Variants in KIF16B observed in about 807,000 individuals in gnomAD.
KIF16B encodes kinesin family member 16B.
Under a neutral mutation model 156.3 loss-of-function variants are expected in KIF16B, and 98 were observed. The ratio of observed to expected loss-of-function variants is 0.63; its 90% CI spans 0.53 to 0.74. KIF16B has a LOEUF of 0.74. Ranked by LOEUF, KIF16B falls within the 30% of genes least tolerant of loss-of-function variation. KIF16B has a pLI of 0.00. For synonymous variants in KIF16B, 564 were observed against 583.7 expected (o/e 0.97, Z 0.49); for missense variants, 1,421 against 1,606.5 (o/e 0.88, Z 1.97).
chr20:16,409,979 A>ACG (rs1246903252), intron 15 of KIF16B, among the ~76,000 whole-genome samples: 1 of 71,120 alleles, frequency 1.4e-5, no homozygotes, highest in African/African-American at 5.8e-5. Flanking sequence ...ACATATATAT[A>ACG]TATATATATA....
intron 12 of KIF16B, among the ~76,000 whole-genome samples, chr20:16,475,316 A>T (rs1212053576): frequency 6.7e-6 from 1 of 149,022 alleles, no homozygotes; most frequent in South Asian, 2.2e-4. Flanking sequence ...TCCCCATTTT[A>T]CCCATCAGGA....
chr20:16,424,926 T>C (rs1469124154), intron 15 of KIF16B, among the ~76,000 whole-genome samples: 1 of 152,166 alleles, frequency 6.6e-6, no homozygotes, highest in Admixed American at 6.6e-5. Flanking sequence ...AGTATTAGTG[T>C]ATTGGTATAA....
intron 24 of KIF16B, among the ~76,000 whole-genome samples, chr20:16,315,462 G>A (rs1401142434): frequency 3.9e-5 from 6 of 152,168 alleles, no homozygotes; most frequent in Non-Finnish European, 7.3e-5. Context: ...TGTAAGGAGC[G>A]TCTGCAGTGC....
intron 15 of KIF16B, among the ~76,000 whole-genome samples, chr20:16,408,828 G>C (rs189395160): frequency 2.6e-5 from 4 of 152,188 alleles, no homozygotes; most frequent in African/African-American, 7.2e-5. Context: ...ATTAAGGCTG[G>C]TTTCCTTCCC....
At chr20:16,368,033 G>A in intron 22 of KIF16B, 1 of 1,404,238 alleles carries the variant, frequency 7.1e-7, no homozygotes. Flanking sequence ...AAACACGCTG[G>A]TTGAGGGTCA....
chr20:16,405,972 C>T (rs2065773073), intron 16 of KIF16B, among the ~76,000 whole-genome samples: 3 of 152,092 alleles, frequency 2.0e-5, no homozygotes, highest in South Asian at 2.1e-4. Context: ...CCCCTGCTCT[C>T]GCTTCCCACC....
At chr20:16,371,624 A>C (rs773074367) in intron 21 of KIF16B, 41 bp downstream of exon 21, 7 of 1,245,822 alleles carry the variant, frequency 5.6e-6, no homozygotes, top group Non-Finnish European at 8.0e-6. Flanking sequence ...AGAAAGATGA[A>C]CGAACTTGTT....
At chr20:16,468,575 CAAAAAAA>C (rs550510241) in intron 12 of KIF16B, among the ~76,000 whole-genome samples, 205 of 35,842 alleles carry the variant, frequency 5.7e-3, no homozygotes, top group Middle Eastern at 0.05. Context: ...GACTCCGTCT[CAAAAAAA>C]AAAAAAAAAA....
intron 12 of KIF16B, among the ~76,000 whole-genome samples, chr20:16,450,556 C>A (rs996070672): frequency 1.3e-5 from 2 of 152,178 alleles, no homozygotes; most frequent in African/African-American, 4.8e-5. Flanking sequence ...ACAGGCTGTT[C>A]CTCCGCTCCA....
intron 1 of KIF16B, 74 bp downstream of exon 1, chr20:16,573,155 T>G: frequency 1.4e-6 from 2 of 1,403,770 alleles, no homozygotes; most frequent in Non-Finnish European, 2.0e-6. Flanking sequence ...CAGGCTGGCT[T>G]TGGGGGAGCT....
intron 12 of KIF16B, among the ~76,000 whole-genome samples, chr20:16,477,428 G>A (rs887842118): frequency 5.3e-5 from 8 of 152,104 alleles, no homozygotes; most frequent in African/African-American, 1.7e-4. Context: ...ATTGAAATCG[G>A]CATAGAGTAA....
At chr20:16,287,784 C>A (rs1332528689) in intron 25 of KIF16B, among the ~76,000 whole-genome samples, 1 of 152,180 alleles carries the variant, frequency 6.6e-6, no homozygotes, top group Non-Finnish European at 1.5e-5. Flanking sequence ...ATCAGAAAAA[C>A]CAAAACCTGC....
chr20:16,299,958 C>T (rs965038339), intron 25 of KIF16B, among the ~76,000 whole-genome samples: 1 of 152,086 alleles, frequency 6.6e-6, no homozygotes, highest in African/African-American at 2.4e-5. Flanking sequence ...AACATGAAGA[C>T]CCTCAACCAA....
intron 23 of KIF16B, among the ~76,000 whole-genome samples, chr20:16,336,288 G>A (rs2064035841): frequency 6.6e-6 from 1 of 152,120 alleles, no homozygotes; most frequent in Non-Finnish European, 1.5e-5. Flanking sequence ...TATAAAAAGT[G>A]TCCCTTTTTA....
At chr20:16,519,251 C>T (rs1490961239) in intron 3 of KIF16B, among the ~76,000 whole-genome samples, 1 of 152,122 alleles carries the variant, frequency 6.6e-6, no homozygotes, top group Non-Finnish European at 1.5e-5. Context: ...CTCTGTGAGG[C>T]TCCCATTCCC....
At chr20:16,346,995 T>C (rs2123067133) in intron 23 of KIF16B, among the ~76,000 whole-genome samples, 1 of 152,358 alleles carries the variant, frequency 6.6e-6, no homozygotes, top group Middle Eastern at 3.4e-3. Flanking sequence ...ACTTGGATCC[T>C]GACTTTAGCC....
intron 10 of KIF16B, among the ~76,000 whole-genome samples, chr20:16,499,648 T>C (rs952463798): frequency 1.3e-5 from 2 of 152,218 alleles, no homozygotes; most frequent in Non-Finnish European, 2.9e-5. Context: ...AAGCCCTTTA[T>C]AACGTGGGTA....
At chr20:16,399,616 T>C (rs1213958446) in intron 17 of KIF16B, among the ~76,000 whole-genome samples, 1 of 152,168 alleles carries the variant, frequency 6.6e-6, no homozygotes, top group Admixed American at 6.5e-5. Context: ...AAACCCGAGC[T>C]TTTCCCATGG....
chr20:16,422,926 A>G (rs1333985537), intron 15 of KIF16B, among the ~76,000 whole-genome samples: 1 of 152,150 alleles, frequency 6.6e-6, no homozygotes, highest in African/African-American at 2.4e-5. Flanking sequence ...TAATAAGCAC[A>G]CATAGTAAAA....
Sources: gnomAD v4.1 joint callset for allele counts (sites outside exome capture counted in the v4.1 genomes callset) on GRCh38, gnomAD v4.1.1 for gene constraint, MANE v1.5 for transcripts, NCBI Gene and HGNC (gene_info 2026-07-23, HGNC 2026-07-21) for gene names.